IARS1: variants seen among roughly 807,000 people sequenced by gnomAD.
IARS1 encodes isoleucyl-tRNA synthetase 1.
IARS1 carries 124 observed loss-of-function variants against 168.2 expected under a neutral mutation model. The ratio of observed to expected loss-of-function variants is 0.74; its 90% CI spans 0.64 to 0.86. The LOEUF (loss-of-function observed/expected upper bound fraction) is 0.86, where lower values mean the gene tolerates loss of function less well. Ranked by LOEUF, IARS1 falls within the 40% of genes least tolerant of loss-of-function variation. The pLI is 0.00. For synonymous variants in IARS1, 532 were observed against 529.4 expected (o/e 1.00, Z -0.07); for missense variants, 1,452 against 1,515.8 (o/e 0.96, Z 0.70).
rs1398854283 is a variant in IARS1, at chr9:92,293,625, G to C, written c.-22C>G. 1 of 329,068 alleles carries C rather than the reference G, an allele frequency of 3.0e-6. No individual in the cohort carries two copies. Among genetic ancestry groups the C allele is most frequent in the Non-Finnish European group, 6.4e-6 (1 of 155,576 alleles). The allele number at this position is 329,068 out of a possible 1,614,324, so 20.4% of individuals were successfully genotyped here. Reference sequence around the variant, plus strand: ...AGAGGGCGTACCTGAGGGGCCTCGCGTGCCTGGACAGCCCCGCGGGCCAGC... The same window carrying C: ...AGAGGGCGTACCTGAGGGGCCTCGCCTGCCTGGACAGCCCCGCGGGCCAGC... On this transcript the variant is annotated 5_prime_UTR_variant, in exon 1 of 34. Coordinates refer to ENST00000443024, the MANE Select transcript of IARS1 (RefSeq NM_002161.6).
intron 17 of IARS1, among the ~76,000 whole-genome samples, chr9:92,262,132 T>C (rs1831617202): frequency 6.6e-6 from 1 of 152,136 alleles, no homozygotes; most frequent in African/African-American, 2.4e-5. Context: ...AAATTTGCAT[T>C]TACCACTCAT....
intron 33 of IARS1, among the ~76,000 whole-genome samples, chr9:92,215,989 A>C (rs1838614535): frequency 6.6e-6 from 1 of 150,914 alleles, no homozygotes; most frequent in Admixed American, 6.6e-5. Flanking sequence ...CCAAAGTTGA[A>C]ATGAAGGAAA....
chr9:92,240,888 T>C lies in IARS1; in HGVS notation c.3251A>G (p.Asn1084Ser), dbSNP rs374939512. The change falls in exon 30 of 34, where the codon AAT (asparagine) becomes AGT (serine). Residue 1084 changes from asparagine (N) to serine (S), a missense_variant. Coordinates refer to ENST00000443024, the MANE Select transcript of IARS1 (RefSeq NM_002161.6). ...SLPGPACAYV[N>S]LNICANGSEQ... ...ACTGCCATTTGCACAAATGTTAAGA[T>C]TGACATATGCACAAGCAGGACCAGG... The C allele has an allele frequency of 5.4e-5, 87 of 1,613,090 alleles. No homozygotes were observed. The South Asian group carries it at 7.8e-4, about 14-fold the overall frequency.
At position 92,240,913 on chromosome 9, in the gene IARS1, G is replaced by A. The variant is rs1170330046; in HGVS notation, c.3226C>T (p.Pro1076Ser). Residue 1076 changes from proline to serine, a missense_variant, in exon 30 of 34, where the codon CCT (proline) becomes TCT (serine). Physicochemically the swap from Pro to Ser is moderately conservative, Grantham distance 74. Transcript: ENST00000443024. ...EITLTRGSSL[P>S]GPACAYVNLN... is the part of the protein sequence containing the mutation. Reference sequence around the variant, plus strand: ...TTGACATATGCACAAGCAGGACCAGGAAGGGAAGATCCTCTGGTGAGTGTA... The same window carrying A: ...TTGACATATGCACAAGCAGGACCAGAAAGGGAAGATCCTCTGGTGAGTGTA... 1.2e-6 allele frequency: 2 copies of A among 1,613,462 alleles called. No individual in the cohort carries two copies. Among genetic ancestry groups the A allele is most frequent in the South Asian group, 1.1e-5 (1 of 91,032 alleles).
chr9:92,277,717 A>C, intron 9 of IARS1, 146 bp downstream of exon 9: 1 of 619,006 alleles, frequency 1.6e-6, no homozygotes, highest in Non-Finnish European at 2.7e-6. Flanking sequence ...AAGCTACACA[A>C]ACAATTTAAT....
At chr9:92,246,643 C>T (rs1362963974) in intron 26 of IARS1, among the ~76,000 whole-genome samples, 1 of 152,150 alleles carries the variant, frequency 6.6e-6, no homozygotes, top group East Asian at 1.9e-4. Context: ...TCACCCTAGG[C>T]TCCAGGGATC....
intron 30 of IARS1, among the ~76,000 whole-genome samples, chr9:92,233,949 C>T (rs115733025): frequency 0.031 from 4,677 of 152,132 alleles, 111 homozygotes; most frequent in South Asian, 0.079. Flanking sequence ...CTTGTAGAGA[C>T]GGGGTCTCAC....
intron 33 of IARS1, among the ~76,000 whole-genome samples, chr9:92,215,735 C>T (rs4743865): frequency 2.0e-5 from 3 of 150,270 alleles, no homozygotes; most frequent in Non-Finnish European, 4.4e-5. Context: ...AAGAATAAAA[C>T]GAAATGAGTA....
intron 29 of IARS1, among the ~76,000 whole-genome samples, chr9:92,241,415 G>A (rs958571717): frequency 7.9e-5 from 12 of 151,940 alleles, no homozygotes; most frequent in African/African-American, 2.4e-4. Flanking sequence ...ATGCAATCTC[G>A]GCTCACTGCA....
intron 30 of IARS1, among the ~76,000 whole-genome samples, chr9:92,230,424 C>G (rs142107079): frequency 4.6e-5 from 7 of 152,232 alleles, no homozygotes; most frequent in South Asian, 2.1e-4. Flanking sequence ...CAGTTGGCAT[C>G]AATTTCTAAG....
chr9:92,270,398 G>A (rs1832853055), intron 12 of IARS1, among the ~76,000 whole-genome samples: 1 of 152,050 alleles, frequency 6.6e-6, no homozygotes, highest in African/African-American at 2.4e-5. Flanking sequence ...TTTTAGAGAT[G>A]CTTCTCATCC....
intron 29 of IARS1, among the ~76,000 whole-genome samples, chr9:92,241,507 A>C (rs1026420065): frequency 6.6e-6 from 1 of 152,052 alleles, no homozygotes; most frequent in African/African-American, 2.4e-5. Flanking sequence ...CACCATGCCC[A>C]GCTAATTTTC....
chr9:92,214,599 C>A (rs1838318300), intron 33 of IARS1, among the ~76,000 whole-genome samples: 1 of 152,212 alleles, frequency 6.6e-6, no homozygotes, highest in Admixed American at 6.5e-5. Context: ...CGAGGCATTG[C>A]CTCACTTGGG....
In IARS1 at chr9:92,222,504, T is replaced by C; in HGVS notation, c.3706+16A>G. On this transcript the variant is annotated intron_variant, in intron 33 of 33. Coordinates refer to ENST00000443024, the MANE Select transcript of IARS1 (RefSeq NM_002161.6). ...TTCAACAAAAATAAAAAACTTACGG[T>C]CCACAATCTCCTTACCCTGCGTTTG... 4 of 1,606,956 alleles carry C rather than the reference T, an allele frequency of 2.5e-6. No individual in the cohort carries two copies. The highest frequency in any genetic ancestry group is 1.1e-5 in the South Asian group (1 of 89,728).
In IARS1 at chr9:92,274,493, A is replaced by G. The variant is rs1833523887; in HGVS notation, c.923T>C (p.Leu308Pro). 23 of 1,613,900 alleles carry G rather than the reference A, an allele frequency of 1.4e-5. No homozygotes were observed. The highest frequency in any genetic ancestry group is 1.9e-5 in the Non-Finnish European group (23 of 1,179,890). ...TTCTTCCTTCACATAGTTGTCAACA[A>G]GCACAGTGAAAGCGCCATTCTCTTT... ...KCKENGAFTV[L>P]VDNYVKEEEG... Residue 308 changes from leucine to proline, a missense_variant, in exon 10 of 34, where the codon CTT (leucine) becomes CCT (proline). By Grantham distance (98) the Leu-to-Pro change is moderately conservative. Transcript: ENST00000443024.
chr9:92,247,812 G>A (rs1379478008), intron 25 of IARS1, among the ~76,000 whole-genome samples: 1 of 152,208 alleles, frequency 6.6e-6, no homozygotes, highest in Non-Finnish European at 1.5e-5. Context: ...CAGACATAAA[G>A]ATTACAAATT....
chr9:92,222,413 A>T (rs1463784982), intron 33 of IARS1, 107 bp downstream of exon 33: 3 of 666,254 alleles, frequency 4.5e-6, no homozygotes, highest in Non-Finnish European at 4.7e-6. Context: ...GAATAACAAA[A>T]CAGGATAACA....
chr9:92,282,212 G>C (rs1428724842), intron 6 of IARS1, among the ~76,000 whole-genome samples: 1 of 152,190 alleles, frequency 6.6e-6, no homozygotes, highest in Non-Finnish European at 1.5e-5. Context: ...AGCAAATGTG[G>C]TAAAAGGTTA....
intron 30 of IARS1, among the ~76,000 whole-genome samples, chr9:92,235,494 C>T (rs2133544935): frequency 6.7e-6 from 1 of 149,282 alleles, no homozygotes; most frequent in South Asian, 2.1e-4. Flanking sequence ...TTTAGTCTGA[C>T]AATACGATAA....
Sources: allele counts gnomAD v4.1 joint callset (sites outside exome capture counted in the v4.1 genomes callset), GRCh38; gene constraint gnomAD v4.1.1; transcripts MANE v1.5; gene names NCBI Gene and HGNC (gene_info 2026-07-23, HGNC 2026-07-21).